The following RPS6KC1 variants were observed in gnomAD, a reference collection of about 807,000 sequenced individuals.
RPS6KC1 encodes the protein ribosomal protein S6 kinase C1.
RPS6KC1 carries 54 observed loss-of-function variants against 103.8 expected under a neutral mutation model. The ratio of observed to expected loss-of-function variants is 0.52; its 90% CI spans 0.42 to 0.65. The LOEUF (loss-of-function observed/expected upper bound fraction) is 0.65. Ranked by LOEUF, RPS6KC1 falls within the 30% of genes least tolerant of loss-of-function variation. RPS6KC1 has a pLI of 0.00. For missense variants in RPS6KC1, 1,151 were observed against 1,253.8 expected (o/e 0.92, Z 1.24); for synonymous variants, 439 against 438.7 (o/e 1.00, Z -0.01).
At chr1:213,220,401 A>G (rs2093801326) in intron 8 of RPS6KC1, among the ~76,000 whole-genome samples, 1 of 152,198 alleles carries the variant, frequency 6.6e-6, no homozygotes, top group Non-Finnish European at 1.5e-5. Context: ...ATCTCACCTC[A>G]GTGCAACCTC....
At chr1:213,543,477 T>C in the RPS6KC1 span, among the ~76,000 whole-genome samples, 43 of 152,182 alleles carry the variant, frequency 2.8e-4, 1 homozygote, top group Middle Eastern at 3.4e-3. Context: ...CCAGCTTAGG[T>C]TGGGATTTGA....
At chr1:213,064,974 CTTTT>C (rs34664044) in intron 1 of RPS6KC1, among the ~76,000 whole-genome samples, 1 of 89,694 alleles carries the variant, frequency 1.1e-5, no homozygotes, top group Admixed American at 1.5e-4. Context: ...CGTGCCCGGC[CTTTT>C]TTTTTTTTTT....
chr1:213,439,664 AG>A, the RPS6KC1 span, among the ~76,000 whole-genome samples: 1 of 152,232 alleles, frequency 6.6e-6, no homozygotes, highest in African/African-American at 2.4e-5. Context: ...AAGCTTGGCA[AG>A]GAAATGAGAA....
chr1:213,577,869 A>G, the RPS6KC1 span, among the ~76,000 whole-genome samples: 1 of 152,382 alleles, frequency 6.6e-6, no homozygotes, highest in East Asian at 1.9e-4. Context: ...CAGCCTGATG[A>G]TGTAAAAATC....
chr1:213,832,396 A>G, the RPS6KC1 span: 1 of 152,078 alleles, frequency 6.6e-6, no homozygotes, highest in Admixed American at 6.6e-5. Context: ...CCCAAATTTA[A>G]CCACATTCAT....
chr1:213,423,527 G>T, the RPS6KC1 span, among the ~76,000 whole-genome samples: 2 of 152,310 alleles, frequency 1.3e-5, no homozygotes, highest in East Asian at 1.9e-4. Context: ...GGGTGGCTTT[G>T]GGGGGTGAGG....
the RPS6KC1 span, among the ~76,000 whole-genome samples, chr1:213,703,354 T>C: frequency 1.5e-3 from 233 of 152,316 alleles, 1 homozygote; most frequent in South Asian, 5.4e-3. Context: ...GTTCATTATT[T>C]AGTTTTTCTA....
At chr1:213,520,405 G>A in the RPS6KC1 span, among the ~76,000 whole-genome samples, 1 of 152,018 alleles carries the variant, frequency 6.6e-6, no homozygotes, top group Non-Finnish European at 1.5e-5. Context: ...ACCACCCCAT[G>A]ATTCAGTTGT....
chr1:213,271,412 C>A (rs2095044085), intron 14 of RPS6KC1, among the ~76,000 whole-genome samples: 1 of 151,976 alleles, frequency 6.6e-6, no homozygotes, highest in African/African-American at 2.4e-5. Flanking sequence ...TTGCCGAGGG[C>A]TGGGGATGGG....
At chr1:213,860,673 A>T in the RPS6KC1 span, among the ~76,000 whole-genome samples, 1 of 152,286 alleles carries the variant, frequency 6.6e-6, no homozygotes, top group South Asian at 2.1e-4. Context: ...ATGTTTAAGG[A>T]GTGATGTTTA....
In RPS6KC1 at chr1:213,241,417, T is replaced by C; in HGVS notation, c.1941T>C (p.Thr647=). The C allele has an allele frequency of 1.2e-6, 2 of 1,613,960 alleles. No individual in the cohort carries two copies. Among genetic ancestry groups the C allele is most frequent in the Non-Finnish European group, 1.7e-6 (2 of 1,179,938 alleles). Residue 647 remains threonine, a synonymous_variant, in exon 11 of 15, where the codon ACT becomes ACC. Transcript: ENST00000366960. ...DGDSASRSFN[T]SESKVEFKAQ... ...ACAGTGCTTCTAGGAGTTTTAATAC[T>C]AGTGAAAGCAAGGTAGAGTTTAAAG...
At chr1:213,698,753 T>C in the RPS6KC1 span, among the ~76,000 whole-genome samples, 1 of 152,182 alleles carries the variant, frequency 6.6e-6, no homozygotes, top group Non-Finnish European at 1.5e-5. Context: ...TTTGGGGAAC[T>C]GCAATTATGT....
At chr1:213,488,251 G>T in the RPS6KC1 span, among the ~76,000 whole-genome samples, 1 of 152,186 alleles carries the variant, frequency 6.6e-6, no homozygotes, top group Non-Finnish European at 1.5e-5. Context: ...GCAATGGATG[G>T]CTGTATTAAC....
chr1:213,445,742 C>G, the RPS6KC1 span, among the ~76,000 whole-genome samples: 1 of 152,192 alleles, frequency 6.6e-6, no homozygotes, highest in African/African-American at 2.4e-5. Context: ...CCCACACTTT[C>G]GCCTGGGAAA....
At chr1:213,518,633 G>C in the RPS6KC1 span, among the ~76,000 whole-genome samples, 2 of 152,136 alleles carry the variant, frequency 1.3e-5, no homozygotes, top group African/African-American at 2.4e-5. Flanking sequence ...ACTAAACATC[G>C]TAAAACCTTC....
At chr1:213,605,834 G>A in the RPS6KC1 span, among the ~76,000 whole-genome samples, 6 of 152,288 alleles carry the variant, frequency 3.9e-5, no homozygotes, top group East Asian at 3.9e-4. Flanking sequence ...GGGTAAGGAG[G>A]GGAAACGACC....
At chr1:213,373,421 T>C in the RPS6KC1 span, among the ~76,000 whole-genome samples, 1 of 152,256 alleles carries the variant, frequency 6.6e-6, no homozygotes, top group Non-Finnish European at 1.5e-5. Flanking sequence ...ATTTCAGCCC[T>C]TGGATCCAGC....
the RPS6KC1 span, among the ~76,000 whole-genome samples, chr1:213,613,288 G>A: frequency 6.6e-6 from 1 of 152,180 alleles, no homozygotes; most frequent in Non-Finnish European, 1.5e-5. Context: ...TCCACCACCA[G>A]ATCACTCCTC....
chr1:213,826,725 G>A, the RPS6KC1 span, among the ~76,000 whole-genome samples: 3 of 152,126 alleles, frequency 2.0e-5, no homozygotes, highest in Non-Finnish European at 4.4e-5. Context: ...ATAGATCTAA[G>A]GACTGTACAT....
Sources: gnomAD v4.1 joint callset for allele counts (sites outside exome capture counted in the v4.1 genomes callset) on GRCh38, gnomAD v4.1.1 for gene constraint, MANE v1.5 for transcripts, NCBI Gene and HGNC (gene_info 2026-07-23, HGNC 2026-07-21) for gene names.